ZFAT: variants seen among roughly 807,000 people sequenced by gnomAD.
The protein encoded by ZFAT is zinc finger and AT-hook domain containing.
Under a neutral mutation model 117.7 loss-of-function variants are expected in ZFAT, and 64 were observed. The ratio of observed to expected loss-of-function variants is 0.54; its 90% confidence interval spans 0.44 to 0.67. The LOEUF (loss-of-function observed/expected upper bound fraction) is 0.67, where lower values mean the gene tolerates loss of function less well. Ranked by LOEUF, ZFAT falls within the 30% of genes least tolerant of loss-of-function variation. The pLI, the probability that ZFAT is intolerant of heterozygous loss-of-function variation, is 0.00. For missense variants in ZFAT, 1,433 were observed against 1,584.5 expected (o/e 0.90, Z 1.62); for synonymous variants, 679 against 615.0 (o/e 1.10, Z -1.54).
At chr8:134,681,209 C>T (rs1833054163) in intron 1 of ZFAT, among the ~76,000 whole-genome samples, 1 of 152,138 alleles carries the variant, frequency 6.6e-6, no homozygotes, top group South Asian at 2.1e-4. Context: ...TGGCTATGGA[C>T]CCCACACCTT....
intron 15 of ZFAT, among the ~76,000 whole-genome samples, chr8:134,497,293 A>G (rs1355832964): frequency 6.6e-6 from 1 of 152,264 alleles, no homozygotes; most frequent in Non-Finnish European, 1.5e-5. Context: ...TGAAAACTGC[A>G]TCTCAGAGCA....
the ZFAT span, among the ~76,000 whole-genome samples, chr8:134,823,413 T>A: frequency 2.0e-5 from 3 of 152,224 alleles, no homozygotes; most frequent in Non-Finnish European, 4.4e-5. Flanking sequence ...GTATTGAGTA[T>A]TTTCTGTATG....
At chr8:134,512,691 C>T (rs1231813176) in intron 13 of ZFAT, 90 bp from the exon 14 acceptor site, 1 of 1,489,336 alleles carries the variant, frequency 6.7e-7, no homozygotes, top group South Asian at 1.4e-5. Context: ...AGAACAAACG[C>T]ATATAAGAAA....
the ZFAT span, among the ~76,000 whole-genome samples, chr8:134,802,274 T>A: frequency 6.6e-6 from 1 of 152,046 alleles, no homozygotes; most frequent in South Asian, 2.1e-4. Flanking sequence ...CAAACTGATA[T>A]TCAAACTAAA....
At chr8:134,686,213 G>T (rs1188617359) in intron 1 of ZFAT, among the ~76,000 whole-genome samples, 1 of 152,224 alleles carries the variant, frequency 6.6e-6, no homozygotes, top group African/African-American at 2.4e-5. Context: ...GGGCTTTCCC[G>T]TGTATGCCCA....
the ZFAT span, among the ~76,000 whole-genome samples, chr8:134,776,879 C>A: frequency 6.6e-6 from 1 of 152,170 alleles, no homozygotes; most frequent in Non-Finnish European, 1.5e-5. Flanking sequence ...TATGGAGAGG[C>A]TTTTGTGTAC....
chr8:134,769,388 G>C, the ZFAT span, among the ~76,000 whole-genome samples: 1 of 152,184 alleles, frequency 6.6e-6, no homozygotes, highest in African/African-American at 2.4e-5. Flanking sequence ...AATCCAGTGG[G>C]GCAGTCAAAT....
intron 2 of ZFAT, among the ~76,000 whole-genome samples, chr8:134,650,336 C>T (rs1252675380): frequency 1.3e-5 from 2 of 151,936 alleles, no homozygotes; most frequent in Non-Finnish European, 2.9e-5. Flanking sequence ...CCATAATGGC[C>T]AGGCTGGTCT....
intron 13 of ZFAT, among the ~76,000 whole-genome samples, chr8:134,513,588 C>T (rs1202697502): frequency 6.6e-6 from 1 of 152,168 alleles, no homozygotes; most frequent in Non-Finnish European, 1.5e-5. Context: ...TTCACAGGTA[C>T]CTCGTGCCTC....
chr8:134,589,914 G>A (rs922324161), intron 8 of ZFAT, among the ~76,000 whole-genome samples: 1 of 152,168 alleles, frequency 6.6e-6, no homozygotes. Context: ...GCCTGGGCAG[G>A]AGCCAACACC....
chr8:134,576,667 A>C (rs1825322109), intron 10 of ZFAT, among the ~76,000 whole-genome samples: 2 of 152,208 alleles, frequency 1.3e-5, no homozygotes, highest in South Asian at 4.1e-4. Flanking sequence ...TTTAGAGGAC[A>C]GTGGAGGAAA....
At chr8:134,654,829 C>T (rs952340434) in intron 2 of ZFAT, among the ~76,000 whole-genome samples, 2 of 152,192 alleles carry the variant, frequency 1.3e-5, no homozygotes, top group African/African-American at 2.4e-5. Context: ...AGCTGAACAG[C>T]CCAAATCCCT....
chr8:134,726,454 G>A, the ZFAT span, among the ~76,000 whole-genome samples: 6 of 152,170 alleles, frequency 3.9e-5, no homozygotes, highest in Non-Finnish European at 5.9e-5. Context: ...CTTACCAGTC[G>A]AGTGTTCCTA....
rs1821539594 is a variant in ZFAT at position 134,532,973 on chromosome 8, C to T, written c.2977-1G>A. 1.9e-6 allele frequency: 3 copies of T among 1,600,034 alleles called. No individual in the cohort carries two copies. Among genetic ancestry groups the T allele is most frequent in the Non-Finnish European group, 1.7e-6 (2 of 1,173,414 alleles). Reference sequence around the variant, plus strand: ...AATGGCAATGGGCACAGCGGAAAGGCTGCGGGGACAATGAGGAGGGGTTAG... The same window carrying T: ...AATGGCAATGGGCACAGCGGAAAGGTTGCGGGGACAATGAGGAGGGGTTAG... On this transcript the variant is annotated splice_acceptor_variant, in intron 11 of 15. Coordinates refer to ENST00000377838, the MANE Select transcript of ZFAT (RefSeq NM_020863.4). LOFTEE classifies it high-confidence loss of function.
chr8:134,482,649 C>T (rs993814409), intron 15 of ZFAT, among the ~76,000 whole-genome samples: 1 of 152,212 alleles, frequency 6.6e-6, no homozygotes, highest in Admixed American at 6.5e-5. Context: ...TTTTTAGCCT[C>T]CAGGGTTTGT....
chr8:134,631,936 CTT>C (rs752146886), intron 3 of ZFAT, among the ~76,000 whole-genome samples: 93 of 152,252 alleles, frequency 6.1e-4, no homozygotes, highest in South Asian at 4.6e-3. Context: ...GTTTTTGAGA[CTT>C]TGAACTGCCA....
intron 15 of ZFAT, among the ~76,000 whole-genome samples, chr8:134,506,119 T>C (rs1021174483): frequency 9.2e-5 from 14 of 152,270 alleles, no homozygotes; most frequent in Admixed American, 2.6e-4. Context: ...ATGCTCATGA[T>C]AGCATTTCCT....
the ZFAT span, among the ~76,000 whole-genome samples, chr8:134,805,480 A>G: frequency 1.1e-4 from 17 of 152,334 alleles, no homozygotes; most frequent in African/African-American, 3.8e-4. Flanking sequence ...CAGCTGATTT[A>G]GGTTAGGGAT....
chr8:134,782,601 A>C, the ZFAT span, among the ~76,000 whole-genome samples: 1 of 152,060 alleles, frequency 6.6e-6, no homozygotes, highest in Non-Finnish European at 1.5e-5. Context: ...CATGGGGGTG[A>C]TTTCCCTCAT....
Sources: gnomAD v4.1 joint callset for allele counts (sites outside exome capture counted in the v4.1 genomes callset) on GRCh38, gnomAD v4.1.1 for gene constraint, MANE v1.5 for transcripts, NCBI Gene and HGNC (gene_info 2026-07-23, HGNC 2026-07-21) for gene names.